Variants in NAA40 observed in about 807,000 individuals in gnomAD.
The protein encoded by NAA40 is N-alpha-acetyltransferase 40, NatD catalytic subunit.
In NAA40, 26 loss-of-function variants were observed where a neutral mutation model predicts 36.6. That is an observed-to-expected ratio of 0.71 (90% CI 0.52 to 0.98). The LOEUF (loss-of-function observed/expected upper bound fraction) is 0.98. Among genes scored for constraint, NAA40 ranks in the 50% least tolerant of loss-of-function variants. The pLI is 0.00. For missense variants in NAA40, 237 were observed against 306.5 expected (o/e 0.77, Z 1.69); for synonymous variants, 129 against 108.4 (o/e 1.19, Z -1.18).
intron 6 of NAA40, 100 bp downstream of exon 6, chr11:63,952,939 C>T (rs769802388): frequency 8.8e-5 from 86 of 972,952 alleles, no homozygotes; most frequent in Non-Finnish European, 7.7e-5. Flanking sequence ...GGAGGAGGCT[C>T]ATAGGCATGT....
In NAA40 at chr11:63,955,851, C is replaced by T. The variant is rs1942356751; in HGVS notation, c.*1372C>T. ...TCAAGGAAAAAGCACCTAACAGCTC[C>T]CTTTGGATATCCCTGAGCTCTGCTG... On this transcript the variant is annotated 3_prime_UTR_variant, in exon 8 of 8. Coordinates refer to ENST00000377793, the MANE Select transcript of NAA40 (RefSeq NM_024771.4). The T allele has an allele frequency of 6.6e-6, 1 of 152,308 alleles. No individual in the cohort carries two copies. 9.4% of individuals were successfully genotyped at this position (152,308 alleles called of 1,614,324 possible). A position where few individuals can be genotyped will look rare whatever the true frequency, so the allele number is the denominator to read the frequency against.
At chr11:63,941,386 A>G (rs918533581) in intron 1 of NAA40, among the ~76,000 whole-genome samples, 1 of 152,218 alleles carries the variant, frequency 6.6e-6, no homozygotes, top group African/African-American at 2.4e-5. Context: ...CATTTGTGTC[A>G]TCTTTCAGGA....
chr11:63,954,404 C>T lies in NAA40; in HGVS notation c.639C>T (p.Ile213=), dbSNP rs1233465857. ...GTGGGGAGGATTGCTCCTATGAGAT[C>T]CTGAGCCGGAGGACCAAGTTTGGGG... ...GCCGEDCSYE[I]LSRRTKFGDS... The change falls in exon 8 of 8, where the codon ATC becomes ATT. Residue 213 remains isoleucine, a synonymous_variant. Coordinates refer to ENST00000377793, the MANE Select transcript of NAA40 (RefSeq NM_024771.4). The T allele has an allele frequency of 6.2e-7, 1 of 1,612,868 alleles. No homozygotes were observed. The highest frequency in any genetic ancestry group is 8.5e-7 in the Non-Finnish European group (1 of 1,179,404).
intron 7 of NAA40, 47 bp downstream of exon 7, chr11:63,954,096 C>A (rs551746219): frequency 6.3e-7 from 1 of 1,582,078 alleles, no homozygotes; most frequent in African/African-American, 1.3e-5. Context: ...TGGGCCTGCC[C>A]AGGGCCATTT....
At chr11:63,944,172 T>C (rs1421995341) in intron 1 of NAA40, among the ~76,000 whole-genome samples, 1 of 152,084 alleles carries the variant, frequency 6.6e-6, no homozygotes, top group Non-Finnish European at 1.5e-5. Context: ...CCTTGGAAAA[T>C]AGTGGGTAGA....
At chr11:63,947,748 A>G (rs1942211978) in intron 3 of NAA40, among the ~76,000 whole-genome samples, 1 of 116,092 alleles carries the variant, frequency 8.6e-6, no homozygotes, top group South Asian at 2.8e-4. Flanking sequence ...TTTTTTTGAG[A>G]CGGAGTCTCA....
chr11:63,947,868 C>T (rs749384672), intron 3 of NAA40, among the ~76,000 whole-genome samples: 2 of 151,964 alleles, frequency 1.3e-5, no homozygotes, highest in Non-Finnish European at 2.9e-5. Flanking sequence ...ATTAAAGGCA[C>T]CCGCCACCAC....
chr11:63,950,187 C>T (rs1254466155), intron 3 of NAA40, among the ~76,000 whole-genome samples: 1 of 148,668 alleles, frequency 6.7e-6, no homozygotes, highest in Non-Finnish European at 1.5e-5. Context: ...GGCACGATCT[C>T]GGCTCACTGC....
At chr11:63,950,113 G>GTT (rs1362519066) in intron 3 of NAA40, among the ~76,000 whole-genome samples, 14 of 104,032 alleles carry the variant, frequency 1.3e-4, no homozygotes, top group African/African-American at 6.6e-4. Flanking sequence ...CTGGTATGAG[G>GTT]TTTTTTTTGT....
At chr11:63,945,447 G>C (rs1324497087) in intron 1 of NAA40, among the ~76,000 whole-genome samples, 1 of 152,222 alleles carries the variant, frequency 6.6e-6, no homozygotes, top group East Asian at 1.9e-4. Context: ...CTTAGATGCT[G>C]TCTCCTCCCT....
chr11:63,941,844 G>T (rs763644447), intron 1 of NAA40, among the ~76,000 whole-genome samples: 1 of 152,066 alleles, frequency 6.6e-6, no homozygotes, highest in Non-Finnish European at 1.5e-5. Flanking sequence ...ATGAGCCACC[G>T]CGCCCAGCCT....
chr11:63,939,195 C>T (rs1942065613), intron 1 of NAA40, 93 bp downstream of exon 1: 4 of 1,198,202 alleles, frequency 3.3e-6, no homozygotes, highest in Non-Finnish European at 3.3e-6. Context: ...CACGTGACCC[C>T]GACCCCCTCC....
Position 63,954,276 on chromosome 11 carries a change from G to A in NAA40, c.573-62G>A, listed in dbSNP as rs919616307. On this transcript the variant is annotated intron_variant, in intron 7 of 7. Transcript: ENST00000377793. Reference sequence around the variant, plus strand: ...CAGTGTGGCTGGTAGAAGAGTTCTCGGGCCAGGGAGGAAGGCACTCAGCTG... The same window carrying A: ...CAGTGTGGCTGGTAGAAGAGTTCTCAGGCCAGGGAGGAAGGCACTCAGCTG... The A allele has an allele frequency of 7.2e-6, 11 of 1,531,118 alleles. No individual in the cohort carries two copies. The South Asian group carries it at 1.2e-4, about 16-fold the overall frequency. The allele number at this position is 1,531,118 out of a possible 1,614,324, so 94.8% of individuals were successfully genotyped here. A position where few individuals can be genotyped will look rare whatever the true frequency, so the allele number is the denominator to read the frequency against.
rs3903058 is a variant in NAA40 at position 63,939,032 on chromosome 11, A to G, written c.-65A>G. On this transcript the variant is annotated 5_prime_UTR_variant, in exon 1 of 8. Transcript: ENST00000377793. ...CTCTGCTGCCGCCGCTGTTGCAGCC[A>G]CCGCCGTTGCCGCCTCCCTGCCGGC... 0.056 allele frequency: 86,332 copies of G among 1,529,058 alleles called. 5,423 individuals are homozygous for G. The highest frequency in any genetic ancestry group is 0.33 in the African/African-American group (22,800 of 68,088). The allele number at this position is 1,529,058 out of a possible 1,614,324, so 94.7% of individuals were successfully genotyped here. A position where few individuals can be genotyped will look rare whatever the true frequency, so the allele number is the denominator to read the frequency against.
intron 1 of NAA40, among the ~76,000 whole-genome samples, chr11:63,942,109 G>A (rs967243625): frequency 2.0e-5 from 3 of 152,170 alleles, no homozygotes; most frequent in African/African-American, 7.2e-5. Flanking sequence ...TCTGCTGTTT[G>A]GTGAGCACTG....
intron 1 of NAA40, among the ~76,000 whole-genome samples, chr11:63,940,959 C>T (rs1255698333): frequency 6.6e-6 from 1 of 152,126 alleles, no homozygotes; most frequent in East Asian, 1.9e-4. Flanking sequence ...GCAGCCACTG[C>T]GGATTAAGCA....
In NAA40 at chr11:63,945,835, T is replaced by C. The variant is rs764048197; in HGVS notation, c.7-5T>C. ...TCCAGCTAACGTTGCTTTTCCCTGT[T>C]GCAGAGAAAGTCAAGCAAAGCCAAG... On this transcript the variant is annotated splice_region_variant and splice_polypyrimidine_tract_variant and intron_variant, in intron 1 of 7. Coordinates refer to ENST00000377793, the MANE Select transcript of NAA40 (RefSeq NM_024771.4). The C allele has an allele frequency of 1.2e-5, 20 of 1,613,588 alleles. No individual in the cohort carries two copies. Among genetic ancestry groups the C allele is most frequent in the Non-Finnish European group, 1.7e-5 (20 of 1,179,520 alleles).
Position 63,957,212 on chromosome 11 carries a change from ATTT to A in NAA40, c.*2742_*2744del, listed in dbSNP as rs59290702. ...CCTTGATATATATATATATATATAT[ATTT>A]TTTTTTTTCTTTAGCAGCTTGTTAT... On this transcript the variant is annotated 3_prime_UTR_variant, in exon 8 of 8. Coordinates refer to ENST00000377793, the MANE Select transcript of NAA40 (RefSeq NM_024771.4). 7 of 64,300 alleles carry A rather than the reference ATTT, an allele frequency of 1.1e-4. No homozygotes were observed. Among genetic ancestry groups the A allele is most frequent in the South Asian group, 9.0e-4 (2 of 2,224 alleles). The allele number at this position is 64,300 out of a possible 1,614,324, so 4.0% of individuals were successfully genotyped here.
chr11:63,945,583 C>A (rs897756689), intron 1 of NAA40, among the ~76,000 whole-genome samples: 1 of 152,068 alleles, frequency 6.6e-6, no homozygotes, highest in Non-Finnish European at 1.5e-5. Flanking sequence ...TTCGCTGGGT[C>A]CCCACAGTGT....
Sources: allele counts gnomAD v4.1 joint callset (sites outside exome capture counted in the v4.1 genomes callset), GRCh38; gene constraint gnomAD v4.1.1; transcripts MANE v1.5; gene names NCBI Gene and HGNC (gene_info 2026-07-23, HGNC 2026-07-21).